The following CHID1 variants were observed in gnomAD, a reference collection of about 807,000 sequenced individuals.
CHID1 encodes chitinase domain containing 1.
Under a neutral mutation model 55.4 loss-of-function variants are expected in CHID1, and 44 were observed. The ratio of observed to expected loss-of-function variants is 0.79; its 90% CI spans 0.62 to 1.02. The LOEUF (loss-of-function observed/expected upper bound fraction) is 1.02. Among genes scored for constraint, CHID1 ranks in the 50% least tolerant of loss-of-function variants. The pLI, the probability that CHID1 is intolerant of heterozygous loss-of-function variation, is 0.00. For synonymous variants in CHID1, 216 were observed against 212.9 expected (o/e 1.01, Z -0.13); for missense variants, 491 against 515.3 (o/e 0.95, Z 0.46).
At chr11:880,088 A>G (rs1321881988) in intron 10 of CHID1, among the ~76,000 whole-genome samples, 1 of 152,202 alleles carries the variant, frequency 6.6e-6, no homozygotes, top group African/African-American at 2.4e-5. Context: ...TTGCAGGGAC[A>G]TGAGAGCTGG....
At chr11:914,422 A>AC (rs1167060392), upstream of CHID1, 2 of 825,498 alleles carry the variant, frequency 2.4e-6, no homozygotes, top group Middle Eastern at 2.8e-4. Context: ...CATGGGGGGG[A>AC]CAGAGTAGGG....
At chr11:889,004 T>G (rs558586943) in intron 8 of CHID1, among the ~76,000 whole-genome samples, 1 of 152,290 alleles carries the variant, frequency 6.6e-6, no homozygotes, top group South Asian at 2.1e-4. Context: ...TCAGGCTTTG[T>G]GCTGAGACAG....
At chr11:900,255 C>A in intron 5 of CHID1, 145 bp from the exon 6 acceptor site, 3 of 645,806 alleles carry the variant, frequency 4.6e-6, no homozygotes. Context: ...ACCTGGAGCA[C>A]CCACATGTCC....
chr11:901,000 C>A lies in CHID1; in HGVS notation c.395-20G>T. The A allele has an allele frequency of 6.3e-7, 1 of 1,592,228 alleles. No individual in the cohort carries two copies. The highest frequency in any genetic ancestry group is 8.5e-7 in the Non-Finnish European group (1 of 1,170,268). On this transcript the variant is annotated intron_variant, in intron 4 of 12. Coordinates refer to ENST00000323578, the MANE Select transcript of CHID1 (RefSeq NM_023947.4). The stretch of plus-strand genomic sequence containing the variant: ...TCCACCCTGTGGGACATGGAGGGGA[C>A]AGTCAACACAGGCACGTGCGCCCAA...
At chr11:914,295 C>T, upstream of CHID1, 3 of 219,314 alleles carry the variant, frequency 1.4e-5, no homozygotes, top group South Asian at 9.8e-5. Flanking sequence ...CATTCCCAGC[C>T]CTCCTTACCC....
In CHID1 at chr11:869,404, G is replaced by A. The variant is rs985941651; in HGVS notation, c.*454C>T. The A allele has an allele frequency of 3.4e-5, 6 of 178,194 alleles. No homozygotes were observed. The highest frequency in any genetic ancestry group is 2.7e-4 in the South Asian group (2 of 7,344). 11.0% of individuals were successfully genotyped at this position (178,194 alleles called of 1,614,324 possible). A position where few individuals can be genotyped will look rare whatever the true frequency, so the allele number is the denominator to read the frequency against. On this transcript the variant is annotated 3_prime_UTR_variant, in exon 13 of 13. Transcript: ENST00000323578. Reference sequence around the variant, plus strand: ...TGGGTGGCAGGTATGTGGGGGTGGAGCTCTCAGCTCTATCACTGCCAGGCC... The same window carrying A: ...TGGGTGGCAGGTATGTGGGGGTGGAACTCTCAGCTCTATCACTGCCAGGCC...
intron 2 of CHID1, among the ~76,000 whole-genome samples, chr11:904,053 ATCC>A (rs1852027804): frequency 6.6e-6 from 1 of 152,174 alleles, no homozygotes; most frequent in Non-Finnish European, 1.5e-5. Context: ...GAAACCTTCC[ATCC>A]AGTTATCAAC....
chr11:912,680 T>C (rs1430822670), upstream of CHID1, among the ~76,000 whole-genome samples: 5 of 151,994 alleles, frequency 3.3e-5, no homozygotes, highest in Non-Finnish European at 7.4e-5. Context: ...CCGTCTCTAC[T>C]AAAAATACGA....
At chr11:906,767 G>T (rs369018119) in intron 1 of CHID1, among the ~76,000 whole-genome samples, 1 of 152,174 alleles carries the variant, frequency 6.6e-6, no homozygotes, top group African/African-American at 2.4e-5. Context: ...GGGGGCTCAC[G>T]CCTGTAATCA....
At chr11:872,669 T>G (rs932297040) in intron 10 of CHID1, among the ~76,000 whole-genome samples, 3 of 152,246 alleles carry the variant, frequency 2.0e-5, no homozygotes, top group African/African-American at 7.2e-5. Context: ...GCTCTAAAAT[T>G]ACTGCATTAT....
chr11:886,465 T>C (rs961842105), intron 8 of CHID1, among the ~76,000 whole-genome samples: 1 of 152,112 alleles, frequency 6.6e-6, no homozygotes, highest in African/African-American at 2.4e-5. Flanking sequence ...GATGAATCGG[T>C]CTTGCTGTGG....
Position 899,414 on chromosome 11 carries a change from G to C in CHID1, c.547-13C>G. 3 of 1,593,990 alleles carry C rather than the reference G, an allele frequency of 1.9e-6. No homozygotes were observed. Among genetic ancestry groups the C allele is most frequent in the Non-Finnish European group, 2.6e-6 (3 of 1,169,842 alleles). Reference sequence around the variant, plus strand: ...CGAAATGCTGGTTCTGAAAGAAGCAGTCACAGGTGAGGAGGGCCTGGAGGC... The same window carrying C: ...CGAAATGCTGGTTCTGAAAGAAGCACTCACAGGTGAGGAGGGCCTGGAGGC... On this transcript the variant is annotated splice_polypyrimidine_tract_variant and intron_variant, in intron 6 of 12. Transcript: ENST00000323578.
intron 8 of CHID1, among the ~76,000 whole-genome samples, chr11:890,197 C>T (rs12790446): frequency 0.19 from 29,025 of 152,250 alleles, 3,457 homozygotes; most frequent in South Asian, 0.35. Flanking sequence ...GACCTCGGCC[C>T]GTCCACACCG....
At chr11:898,517 C>T (rs1851556227) in intron 7 of CHID1, among the ~76,000 whole-genome samples, 1 of 152,236 alleles carries the variant, frequency 6.6e-6, no homozygotes, top group African/African-American at 2.4e-5. Flanking sequence ...CTGAGCATGT[C>T]GAGGACGCCC....
At chr11:888,803 G>A (rs956403352) in intron 8 of CHID1, among the ~76,000 whole-genome samples, 3 of 151,550 alleles carry the variant, frequency 2.0e-5, no homozygotes, top group Non-Finnish European at 4.4e-5. Context: ...CTGCCCACTC[G>A]GCCTCGACTG....
At chr11:886,133 A>AG in intron 8 of CHID1, among the ~76,000 whole-genome samples, 1 of 144,866 alleles carries the variant, frequency 6.9e-6, no homozygotes. Context: ...CCTGGGCGAC[A>AG]AAGCAAGACT....
intron 8 of CHID1, among the ~76,000 whole-genome samples, chr11:885,284 C>T (rs944249385): frequency 8.5e-5 from 13 of 152,174 alleles, no homozygotes; most frequent in Admixed American, 1.3e-4. Context: ...ATCCCTGGAC[C>T]CACCTGGCAG....
chr11:877,037 GGAGGGCAGAT>G (rs1244650584), intron 10 of CHID1, among the ~76,000 whole-genome samples: 1 of 152,170 alleles, frequency 6.6e-6, no homozygotes, highest in Non-Finnish European at 1.5e-5. Flanking sequence ...GGGTGGGCGA[GGAGGGCAGAT>G]GAGGGGACTT....
At chr11:912,461 C>T (rs1184558217), upstream of CHID1, among the ~76,000 whole-genome samples, 1 of 152,218 alleles carries the variant, frequency 6.6e-6, no homozygotes, top group Non-Finnish European at 1.5e-5. Flanking sequence ...GGCCGGGTTC[C>T]TGGGGGAGTC....
Sources: allele counts gnomAD v4.1 joint callset (sites outside exome capture counted in the v4.1 genomes callset), GRCh38; gene constraint gnomAD v4.1.1; transcripts MANE v1.5; gene names NCBI Gene and HGNC (gene_info 2026-07-23, HGNC 2026-07-21).